STPG2: variants seen among roughly 807,000 people sequenced by gnomAD.
STPG2 encodes the protein sperm tail PG-rich repeat containing 2.
Under a neutral mutation model 54.2 loss-of-function variants are expected in STPG2, and 56 were observed. The observed-to-expected ratio is 1.03, with a 90% CI of 0.83 to 1.29. The LOEUF (loss-of-function observed/expected upper bound fraction) is 1.29. STPG2 is among the 50% of genes most tolerant of loss of function. STPG2 has a pLI of 0.00. For missense variants in STPG2, 596 were observed against 544.9 expected, an observed-to-expected ratio of 1.09 and a Z score of -0.93; for synonymous variants, 200 against 181.8, an observed-to-expected ratio of 1.10 and a Z score of -0.81.
At chr4:97,475,352 T>A (rs1730044062) in intron 4 of STPG2, among the ~76,000 whole-genome samples, 1 of 151,636 alleles carries the variant, frequency 6.6e-6, no homozygotes, top group Non-Finnish European at 1.5e-5. Context: ...TGCATATTTG[T>A]ATATTAGGTG....
intron 10 of STPG2, among the ~76,000 whole-genome samples, chr4:97,676,481 T>G (rs1722850190): frequency 6.6e-6 from 1 of 151,474 alleles, no homozygotes; most frequent in African/African-American, 2.4e-5. Context: ...ATCTGAAACC[T>G]GTGTGATACA....
At chr4:97,929,452 A>G (rs1238462) in intron 8 of STPG2, among the ~76,000 whole-genome samples, 63,461 of 151,970 alleles carry the variant, frequency 0.42, 13,820 homozygotes, top group Admixed American at 0.53. Flanking sequence ...GAATTGCCAC[A>G]CTGTCTTCTA....
intron 8 of STPG2, among the ~76,000 whole-genome samples, chr4:97,934,565 C>A (rs1209364389): frequency 6.6e-6 from 1 of 152,088 alleles, no homozygotes; most frequent in East Asian, 1.9e-4. Flanking sequence ...GGGTTTTTAA[C>A]ATGAGGGATG....
rs569435074 is a variant in STPG2, at chr4:97,481,393, C to A, written c.462+231306G>T. Among the ~76,000 whole-genome samples, 9 of 151,600 alleles carry A rather than the reference C, an allele frequency of 5.9e-5. No individual in the cohort carries two copies. The South Asian group carries it at 1.9e-3, about 31-fold the overall frequency. On this transcript the variant is annotated intron_variant, in intron 4 of 4. Coordinates refer to the STPG2 transcript ENST00000522676. ...CACACAAATTTTAGAATCAGCTTGG[C>A]AATTTCTGAAAAAGAAGCTTGCTGG...
At chr4:98,140,493 T>C (rs1338361664) in intron 1 of STPG2, among the ~76,000 whole-genome samples, 1 of 152,140 alleles carries the variant, frequency 6.6e-6, no homozygotes, top group African/African-American at 2.4e-5. Flanking sequence ...GAGCTTGAAC[T>C]AAGTCAAGGA....
chr4:98,123,287 T>C (rs13108705), intron 3 of STPG2, among the ~76,000 whole-genome samples: 60,069 of 151,988 alleles, frequency 0.4, 12,116 homozygotes, highest in Middle Eastern at 0.45. Flanking sequence ...TGTTAGAGTG[T>C]AGATTTGAGA....
intron 9 of STPG2, among the ~76,000 whole-genome samples, chr4:97,828,864 C>G (rs968905549): frequency 2.6e-5 from 4 of 152,140 alleles, no homozygotes; most frequent in African/African-American, 9.7e-5. Context: ...AAAAAGGCAG[C>G]TGCCCTGGTT....
intron 5 of STPG2, among the ~76,000 whole-genome samples, chr4:98,009,070 T>A (rs1735660052): frequency 6.6e-6 from 1 of 152,030 alleles, no homozygotes; most frequent in Admixed American, 6.6e-5. Context: ...TTATCTTTTT[T>A]TAAAAACCCA....
chr4:97,769,622 T>G (rs1726163161), intron 9 of STPG2, among the ~76,000 whole-genome samples: 2 of 151,996 alleles, frequency 1.3e-5, no homozygotes, highest in Admixed American at 6.6e-5. Flanking sequence ...AAAAAGTTAT[T>G]AAAAAAATCA....
chr4:97,651,567 A>G (rs970124841), intron 10 of STPG2, among the ~76,000 whole-genome samples: 3 of 152,100 alleles, frequency 2.0e-5, no homozygotes, highest in Non-Finnish European at 4.4e-5. Context: ...AAATTTAAAC[A>G]TCAGAATAAC....
chr4:97,868,921 G>T (rs1023575141), intron 8 of STPG2, among the ~76,000 whole-genome samples: 2 of 151,734 alleles, frequency 1.3e-5, no homozygotes, highest in African/African-American at 4.8e-5. Flanking sequence ...CAAAGCTTTT[G>T]CAGTAAGAGA....
intron 10 of STPG2, among the ~76,000 whole-genome samples, chr4:97,664,470 G>A (rs1722462199): frequency 6.6e-6 from 1 of 152,126 alleles, no homozygotes; most frequent in Admixed American, 6.6e-5. Context: ...AAGTGCTAAA[G>A]CTCCAGAGTT....
chr4:97,768,077 G>A (rs958656839), intron 9 of STPG2, among the ~76,000 whole-genome samples: 1 of 151,592 alleles, frequency 6.6e-6, no homozygotes, highest in African/African-American at 2.4e-5. Flanking sequence ...TGAGGCAGGA[G>A]AATGTCGTGA....
In STPG2 at chr4:98,004,801, C is replaced by T. The variant is rs1025561115; in HGVS notation, c.613-23483G>A. On this transcript the variant is annotated intron_variant, in intron 5 of 10. Coordinates refer to ENST00000295268, the MANE Select transcript of STPG2 (RefSeq NM_174952.3). Reference sequence around the variant, plus strand: ...TTGTATTTCTTCTTTTGAGAAAAGTCTATTCAGGTTATTTGCCCATTTTAA... The same window carrying T: ...TTGTATTTCTTCTTTTGAGAAAAGTTTATTCAGGTTATTTGCCCATTTTAA... Among the ~76,000 whole-genome samples the T allele has an allele frequency of 3.3e-5, 5 of 151,940 alleles. 1 individual carries two copies. Among genetic ancestry groups the T allele is most frequent in the Non-Finnish European group, 5.9e-5 (4 of 67,986 alleles).
chr4:97,934,498 T>A (rs1431994368), intron 8 of STPG2, among the ~76,000 whole-genome samples: 1 of 152,246 alleles, frequency 6.6e-6, no homozygotes, highest in Non-Finnish European at 1.5e-5. Flanking sequence ...GCTGCAGGTA[T>A]GCCATAAATG....
chr4:97,896,477 A>G (rs184173389), intron 8 of STPG2, among the ~76,000 whole-genome samples: 1 of 151,888 alleles, frequency 6.6e-6, no homozygotes, highest in African/African-American at 2.4e-5. Flanking sequence ...TGCAAAAAGC[A>G]CTACATAAGT....
chr4:97,851,672 C>A (rs939959840), intron 8 of STPG2, among the ~76,000 whole-genome samples: 1 of 152,122 alleles, frequency 6.6e-6, no homozygotes, highest in African/African-American at 2.4e-5. Context: ...AAACCTTGAT[C>A]AAGTACTAAC....
intron 3 of STPG2, among the ~76,000 whole-genome samples, chr4:98,119,828 A>G (rs1739626826): frequency 6.6e-6 from 1 of 151,872 alleles, no homozygotes; most frequent in East Asian, 1.9e-4. Context: ...TTATAAGAAC[A>G]TGTTGTGTTT....
intron 9 of STPG2, among the ~76,000 whole-genome samples, chr4:97,797,841 A>G (rs1486132100): frequency 6.6e-6 from 1 of 152,140 alleles, no homozygotes. Flanking sequence ...TTGGTAGGCT[A>G]TTAATTATTG....
Sources: allele counts gnomAD v4.1 joint callset (sites outside exome capture counted in the v4.1 genomes callset), GRCh38; gene constraint gnomAD v4.1.1; transcripts MANE v1.5; gene names NCBI Gene and HGNC (gene_info 2026-07-23, HGNC 2026-07-21).